Variants in SPON1 observed in about 807,000 individuals in gnomAD.
SPON1 encodes spondin 1.
SPON1 carries 52 observed loss-of-function variants against 111.7 expected under a neutral mutation model. The ratio of observed to expected loss-of-function variants is 0.47; its 90% CI spans 0.37 to 0.59. SPON1 has a LOEUF of 0.59. SPON1 is among the 20% of genes least tolerant of loss of function. SPON1 has a pLI of 0.00. For synonymous variants in SPON1, 410 were observed against 395.8 expected (o/e 1.04, Z -0.43); for missense variants, 957 against 1,068.5 (o/e 0.90, Z 1.46).
At chr11:14,151,099 G>C (rs370593699) in intron 6 of SPON1, among the ~76,000 whole-genome samples, 2 of 152,316 alleles carry the variant, frequency 1.3e-5, no homozygotes, top group East Asian at 3.9e-4. Context: ...CTGCAGATCT[G>C]TTTTCCAAAG....
intron 2 of SPON1, among the ~76,000 whole-genome samples, chr11:14,001,308 C>T (rs1687459953): frequency 6.6e-6 from 1 of 152,120 alleles, no homozygotes; most frequent in South Asian, 2.1e-4. Context: ...GAATTTTAAC[C>T]CCAGGAGCCC....
intron 1 of SPON1, among the ~76,000 whole-genome samples, chr11:13,966,339 C>T (rs1197646964): frequency 1.3e-5 from 2 of 152,060 alleles, no homozygotes; most frequent in African/African-American, 4.8e-5. Context: ...AGGGGCTTCC[C>T]TTATACAGGA....
intron 6 of SPON1, among the ~76,000 whole-genome samples, chr11:14,189,313 C>T (rs182379439): frequency 2.0e-5 from 3 of 152,310 alleles, no homozygotes; most frequent in East Asian, 1.9e-4. Flanking sequence ...ACATTCTTTT[C>T]TTCGATTCAT....
At chr11:14,028,885 C>T (rs551395576) in intron 2 of SPON1, among the ~76,000 whole-genome samples, 7 of 152,326 alleles carry the variant, frequency 4.6e-5, no homozygotes, top group African/African-American at 1.7e-4. Flanking sequence ...CCCACTACCC[C>T]ATGCTACCTC....
intron 6 of SPON1, among the ~76,000 whole-genome samples, chr11:14,195,106 G>A (rs1436965303): frequency 6.6e-6 from 1 of 152,180 alleles, no homozygotes; most frequent in Admixed American, 6.5e-5. Context: ...TTACTAAGTA[G>A]CCAGAAAGAA....
chr11:13,980,613 T>C (rs1554909535), intron 1 of SPON1, among the ~76,000 whole-genome samples: 1 of 152,204 alleles, frequency 6.6e-6, no homozygotes, highest in African/African-American at 2.4e-5. Context: ...TACATGTGTA[T>C]ACATTAGGGC....
intron 6 of SPON1, among the ~76,000 whole-genome samples, chr11:14,215,275 T>G (rs1378285900): frequency 6.6e-6 from 1 of 152,198 alleles, no homozygotes; most frequent in African/African-American, 2.4e-5. Flanking sequence ...AAGATCAGTA[T>G]TAGCATAGTA....
intron 6 of SPON1, among the ~76,000 whole-genome samples, chr11:14,202,549 C>T (rs797024243): frequency 3.9e-5 from 6 of 152,310 alleles, no homozygotes; most frequent in African/African-American, 1.4e-4. Flanking sequence ...TTCAGTCAGA[C>T]TCCACCAAAG....
intron 3 of SPON1, among the ~76,000 whole-genome samples, chr11:14,060,030 C>A (rs1419265182): frequency 6.6e-6 from 1 of 152,088 alleles, no homozygotes; most frequent in Admixed American, 6.5e-5. Context: ...GAATCAGGAG[C>A]AAAGGCATAG....
At chr11:14,203,527 G>A (rs532215477) in intron 6 of SPON1, among the ~76,000 whole-genome samples, 2 of 152,182 alleles carry the variant, frequency 1.3e-5, no homozygotes, top group South Asian at 4.1e-4. Context: ...ATTCCAAAAG[G>A]CATTGTACCA....
chr11:13,984,505 G>T (rs1235573340), intron 2 of SPON1, among the ~76,000 whole-genome samples: 1 of 152,028 alleles, frequency 6.6e-6, no homozygotes, highest in African/African-American at 2.4e-5. Context: ...AGAGCAAGAG[G>T]GGTCCAAACT....
At chr11:14,158,984 A>G (rs1847880617) in intron 6 of SPON1, among the ~76,000 whole-genome samples, 1 of 126,090 alleles carries the variant, frequency 7.9e-6, no homozygotes, top group Non-Finnish European at 1.8e-5. Flanking sequence ...CTTAAGTAAT[A>G]TCTCTTACTT....
At position 14,135,281 on chromosome 11, in the gene SPON1, G is replaced by A; in HGVS notation, c.677-139G>A. ...AGGAACTCAGTCTTATCACTGAATG[G>A]CACAGGGCCTAAGACAGAATAGGTG... On this transcript the variant is annotated intron_variant, in intron 5 of 15. Transcript: ENST00000576479. The surrounding 1 kb of genome is among the most constrained non-coding windows in gnomAD (Gnocchi z 4.4). 1.1e-6 allele frequency: 1 copy of A among 920,636 alleles called. No individual in the cohort carries two copies. Among genetic ancestry groups the A allele is most frequent in the Non-Finnish European group, 1.6e-6 (1 of 619,194 alleles). 57.0% of individuals were successfully genotyped at this position (920,636 alleles called of 1,614,324 possible).
chr11:14,265,814 T>C lies in SPON1; in HGVS notation c.*127T>C, dbSNP rs1416845111. On this transcript the variant is annotated 3_prime_UTR_variant, in exon 16 of 16. Coordinates refer to ENST00000576479, the MANE Select transcript of SPON1 (RefSeq NM_006108.4). ...CATTTTTGCAGTGTGGTTCGCCCAG[T>C]AGTCTTGTGGATGCCAGAGACATCC... 2 of 1,117,868 alleles carry C rather than the reference T, an allele frequency of 1.8e-6. No individual in the cohort carries two copies. The highest frequency in any genetic ancestry group is 1.6e-5 in the African/African-American group (1 of 63,784). 69.2% of individuals were successfully genotyped at this position (1,117,868 alleles called of 1,614,324 possible).
At chr11:14,189,900 CAAAAAT>C (rs1388754260) in intron 6 of SPON1, among the ~76,000 whole-genome samples, 1 of 152,102 alleles carries the variant, frequency 6.6e-6, no homozygotes, top group African/African-American at 2.4e-5. Flanking sequence ...GTTAGCTGGT[CAAAAAT>C]AAAAATAAAA....
intron 5 of SPON1, among the ~76,000 whole-genome samples, chr11:14,121,668 C>A (rs536827212): frequency 6.6e-6 from 1 of 152,090 alleles, no homozygotes; most frequent in African/African-American, 2.4e-5. Context: ...GTGCACCTTA[C>A]CCACATATTT....
In SPON1 at chr11:14,051,856, A is replaced by G. The variant is rs74371198; in HGVS notation, c.479+10202A>G. On this transcript the variant is annotated intron_variant, in intron 3 of 15. Coordinates refer to ENST00000576479, the MANE Select transcript of SPON1 (RefSeq NM_006108.4). ...ATGCTAAATGCATTGCATGTCTTATATATGTCTTATGTAATTCTCATAAAA... is the reference window on the plus strand; with the variant it reads ...ATGCTAAATGCATTGCATGTCTTATGTATGTCTTATGTAATTCTCATAAAA... 2.6e-3 allele frequency among the ~76,000 whole-genome samples: 397 copies of G among 152,336 alleles called. 6 individuals carry two copies. The East Asian group carries it at 0.028, about 11-fold the overall frequency.
chr11:14,235,678 C>CAAAAAAAAA (rs56925967), intron 6 of SPON1, among the ~76,000 whole-genome samples: 42 of 71,388 alleles, frequency 5.9e-4, no homozygotes, highest in East Asian at 2.4e-3. Flanking sequence ...GACCCTGCCT[C>CAAAAAAAAA]AAAAAAAAAA....
At chr11:14,072,133 G>T (rs1367543553) in intron 3 of SPON1, among the ~76,000 whole-genome samples, 3 of 152,106 alleles carry the variant, frequency 2.0e-5, no homozygotes, top group Non-Finnish European at 4.4e-5. Flanking sequence ...CGGGTTTTGG[G>T]TGAAGAATTT....
Sources: allele counts gnomAD v4.1 joint callset (sites outside exome capture counted in the v4.1 genomes callset), GRCh38; gene constraint gnomAD v4.1.1; non-coding constraint Gnocchi (gnomAD v3.1); transcripts MANE v1.5; gene names NCBI Gene and HGNC (gene_info 2026-07-23, HGNC 2026-07-21).